Variants in OCA2 observed in about 807,000 individuals in gnomAD.
The protein encoded by OCA2 is P protein.
A neutral mutation model predicts 100.2 loss-of-function variants in OCA2; 77 were observed. The ratio of observed to expected loss-of-function variants is 0.77; its 90% CI spans 0.64 to 0.93. The LOEUF is 0.93. Ranked by LOEUF, OCA2 falls within the 40% of genes least tolerant of loss-of-function variation. The pLI is 0.00. For synonymous variants in OCA2, 432 were observed against 439.2 expected, an observed-to-expected ratio of 0.98 and a Z score of 0.21; for missense variants, 1,062 against 1,089.1, an observed-to-expected ratio of 0.98 and a Z score of 0.35.
At chr15:27,779,469 T>A (rs1175926069) in intron 23 of OCA2, among the ~76,000 whole-genome samples, 1 of 152,230 alleles carries the variant, frequency 6.6e-6, no homozygotes, top group African/African-American at 2.4e-5. Context: ...TATTTATAAT[T>A]GTTATATATT....
chr15:27,847,162 C>A (rs921859827), intron 22 of OCA2, among the ~76,000 whole-genome samples: 1 of 152,232 alleles, frequency 6.6e-6, no homozygotes, highest in African/African-American at 2.4e-5. Context: ...GACATCAACT[C>A]GTTAAGTCGC....
chr15:27,831,263 T>G (rs941104952), intron 23 of OCA2, among the ~76,000 whole-genome samples: 2 of 113,598 alleles, frequency 1.8e-5, no homozygotes, highest in African/African-American at 3.4e-5. Flanking sequence ...TCCAGCCTGG[T>G]GACAGAGCGA....
At chr15:27,993,474 A>C (rs1429536482) in intron 9 of OCA2, among the ~76,000 whole-genome samples, 1 of 152,100 alleles carries the variant, frequency 6.6e-6, no homozygotes, top group Non-Finnish European at 1.5e-5. Flanking sequence ...TGCACTACAT[A>C]CCTCAAGGAG....
intron 19 of OCA2, among the ~76,000 whole-genome samples, chr15:27,907,185 A>T (rs1489659355): frequency 6.6e-6 from 1 of 152,246 alleles, no homozygotes; most frequent in Non-Finnish European, 1.5e-5. Context: ...ATTTTGAAAT[A>T]CAAAAACCTC....
intron 23 of OCA2, among the ~76,000 whole-genome samples, chr15:27,838,546 G>A (rs1319196339): frequency 2.6e-5 from 4 of 152,168 alleles, no homozygotes; most frequent in African/African-American, 7.2e-5. Context: ...AAGATACAAT[G>A]CTACATGTTA....
At chr15:27,939,926 C>G (rs564425500) in intron 18 of OCA2, among the ~76,000 whole-genome samples, 1 of 152,192 alleles carries the variant, frequency 6.6e-6, no homozygotes, top group South Asian at 2.1e-4. Flanking sequence ...CTGTGGTCCT[C>G]GGGAACCACC....
At position 27,970,791 on chromosome 15, in the gene OCA2, G is replaced by A. The variant is rs370713226; in HGVS notation, c.1504-3969C>T. Among the ~76,000 whole-genome samples, 294 of 152,050 alleles carry A rather than the reference G, an allele frequency of 1.9e-3. 4 individuals carry two copies. The highest frequency in any genetic ancestry group is 6.9e-3 in the African/African-American group (286 of 41,468). ...ATCCCAGCATGCACAGTATGGCAGG[G>A]AAAGCCTGAAGAATACCCCAGTACG... On this transcript the variant is annotated intron_variant, in intron 14 of 23. Coordinates refer to ENST00000354638, the MANE Select transcript of OCA2 (RefSeq NM_000275.3).
chr15:28,042,715 AAGTG>A (rs2043241472), intron 2 of OCA2, among the ~76,000 whole-genome samples: 1 of 152,054 alleles, frequency 6.6e-6, no homozygotes, highest in South Asian at 2.1e-4. Flanking sequence ...CTTGGAGGTA[AAGTG>A]AGTATTAATA....
chr15:27,958,679 A>G (rs180972477), intron 15 of OCA2, among the ~76,000 whole-genome samples: 1 of 152,362 alleles, frequency 6.6e-6, no homozygotes, highest in East Asian at 1.9e-4. Context: ...CAAATATTTC[A>G]TGAAAACCTA....
chr15:27,939,002 C>A (rs753037525), intron 18 of OCA2, among the ~76,000 whole-genome samples: 3 of 152,156 alleles, frequency 2.0e-5, no homozygotes, highest in Admixed American at 6.5e-5. Context: ...TCAGCTAAAT[C>A]CATACGCTTG....
At chr15:28,015,335 G>A (rs1376021869) in intron 8 of OCA2, among the ~76,000 whole-genome samples, 2 of 152,154 alleles carry the variant, frequency 1.3e-5, no homozygotes, top group African/African-American at 4.8e-5. Flanking sequence ...GCCTGCAAGT[G>A]ACCACAGGTC....
At chr15:27,895,520 T>C (rs2037651044) in intron 19 of OCA2, among the ~76,000 whole-genome samples, 1 of 152,224 alleles carries the variant, frequency 6.6e-6, no homozygotes, top group African/African-American at 2.4e-5. Context: ...AGGAACTTGC[T>C]GGGAACTGGA....
chr15:27,831,212 G>A (rs977231858), intron 23 of OCA2, among the ~76,000 whole-genome samples: 1 of 147,806 alleles, frequency 6.8e-6, no homozygotes, highest in African/African-American at 2.5e-5. Flanking sequence ...CTTGAACCAG[G>A]GAGTCCGAGG....
chr15:27,977,518 C>G (rs1240598770), intron 14 of OCA2, among the ~76,000 whole-genome samples: 1 of 152,096 alleles, frequency 6.6e-6, no homozygotes, highest in African/African-American at 2.4e-5. Flanking sequence ...ACAGCCCACA[C>G]GTCTATAAAA....
intron 2 of OCA2, among the ~76,000 whole-genome samples, chr15:28,056,562 G>A (rs2043704804): frequency 6.6e-6 from 1 of 152,242 alleles, no homozygotes. Context: ...TTGGGGTGAC[G>A]TGGGGGCACG....
At chr15:27,809,049 G>T (rs547428666) in intron 23 of OCA2, among the ~76,000 whole-genome samples, 1 of 152,240 alleles carries the variant, frequency 6.6e-6, no homozygotes, top group Non-Finnish European at 1.5e-5. Flanking sequence ...GCCCCCAAAG[G>T]CTCCCCAACC....
chr15:28,002,345 C>T lies in OCA2; in HGVS notation c.1045-11698G>A, dbSNP rs114113113. Among the ~76,000 whole-genome samples the T allele has an allele frequency of 7.7e-3, 1,177 of 152,192 alleles. 20 individuals carry two copies. The highest frequency in any genetic ancestry group is 0.027 in the African/African-American group (1,140 of 41,536). On this transcript the variant is annotated intron_variant, in intron 9 of 23. Coordinates refer to ENST00000354638, the MANE Select transcript of OCA2 (RefSeq NM_000275.3). ...ATGGAGCTACAGGGCATGGTCTGAC[C>T]CCATGGGGCCTCCCTGCAGGGCCTG... is the stretch of plus-strand genomic sequence containing the variant.
Position 27,820,373 on chromosome 15 carries a change from CA to C in OCA2, c.2432+24585del, listed in dbSNP as rs373762347. Reference sequence around the variant, plus strand: ...TTCAGCCCATGATGAGTCATGCTGACAGCACGCACTCTCCACAGGGTATGAT... The same window carrying C: ...TTCAGCCCATGATGAGTCATGCTGACGCACGCACTCTCCACAGGGTATGAT... On this transcript the variant is annotated intron_variant, in intron 23 of 23. Coordinates refer to ENST00000354638, the MANE Select transcript of OCA2 (RefSeq NM_000275.3). 1.2e-3 allele frequency among the ~76,000 whole-genome samples: 180 copies of C among 152,338 alleles called. 1 individual carries two copies. Among genetic ancestry groups the C allele is most frequent in the African/African-American group, 4.1e-3 (171 of 41,576 alleles).
At chr15:27,910,462 G>A (rs960692407) in intron 19 of OCA2, among the ~76,000 whole-genome samples, 1 of 152,086 alleles carries the variant, frequency 6.6e-6, no homozygotes, top group Non-Finnish European at 1.5e-5. Context: ...ATAAACGATG[G>A]CACATTCACA....
Sources: gnomAD v4.1 joint callset for allele counts (sites outside exome capture counted in the v4.1 genomes callset) on GRCh38, gnomAD v4.1.1 for gene constraint, MANE v1.5 for transcripts, NCBI Gene and HGNC (gene_info 2026-07-23, HGNC 2026-07-21) for gene names.